Variants in ROBO2 observed in about 807,000 individuals in gnomAD.
ROBO2 encodes the protein roundabout homolog 2.
A neutral mutation model predicts 160.8 loss-of-function variants in ROBO2; 53 were observed. That is an observed-to-expected ratio of 0.33 (90% CI 0.26 to 0.41). The LOEUF (loss-of-function observed/expected upper bound fraction) is 0.41, where lower values mean the gene tolerates loss of function less well. Ranked by LOEUF, ROBO2 falls within the 10% of genes least tolerant of loss-of-function variation. The probability of loss-of-function intolerance (pLI) is 1.00; values close to 1 mark genes in which losing one functional copy is unlikely to be tolerated. For missense variants in ROBO2, 1,577 were observed against 1,722.4 expected (o/e 0.92, Z 1.49); for synonymous variants, 664 against 611.7 (o/e 1.09, Z -1.26).
chr3:76,584,939 T>C (rs1248606680), intron 2 of ROBO2, among the ~76,000 whole-genome samples: 1 of 152,218 alleles, frequency 6.6e-6, no homozygotes, highest in South Asian at 2.1e-4. Flanking sequence ...CATTGAATCA[T>C]ATGAATAAAA....
intron 2 of ROBO2, among the ~76,000 whole-genome samples, chr3:76,489,909 C>A (rs1054946286): frequency 6.6e-6 from 1 of 151,932 alleles, no homozygotes; most frequent in African/African-American, 2.4e-5. Flanking sequence ...ACATTTTTTT[C>A]TTTAAGGTTT....
chr3:77,113,847 T>C lies in ROBO2; in HGVS notation c.388+15507T>C, dbSNP rs150630035. ...ATGAATATAGGATTAAATCAGAAAA[T>C]AATAAGGCAACCTTTAGATGAATCA... On this transcript the variant is annotated intron_variant, in intron 2 of 25. Transcript: ENST00000461745. Among the ~76,000 whole-genome samples, 596 of 152,248 alleles carry C rather than the reference T, an allele frequency of 3.9e-3. 7 individuals are homozygous for C. The highest frequency in any genetic ancestry group is 0.014 in the Middle Eastern group (4 of 294).
intron 2 of ROBO2, among the ~76,000 whole-genome samples, chr3:76,274,675 A>G (rs929543386): frequency 1.3e-5 from 2 of 151,898 alleles, no homozygotes; most frequent in Admixed American, 6.6e-5. Flanking sequence ...CGTCTCTACT[A>G]AAAATACAAA....
intron 2 of ROBO2, among the ~76,000 whole-genome samples, chr3:76,454,201 A>G (rs2077627296): frequency 6.6e-6 from 1 of 152,184 alleles, no homozygotes; most frequent in African/African-American, 2.4e-5. Context: ...TACTGCTATC[A>G]AAAGCACACA....
chr3:77,582,719 C>G (rs993691653), intron 16 of ROBO2, among the ~76,000 whole-genome samples: 3 of 151,994 alleles, frequency 2.0e-5, no homozygotes, highest in African/African-American at 7.2e-5. Flanking sequence ...CCTTTTACTT[C>G]TATGTAATAA....
intron 2 of ROBO2, among the ~76,000 whole-genome samples, chr3:77,246,808 C>A (rs1367159862): frequency 6.6e-6 from 1 of 152,070 alleles, no homozygotes; most frequent in Non-Finnish European, 1.5e-5. Flanking sequence ...TTCTTGGAGA[C>A]AATTTACCTC....
chr3:76,539,704 C>A (rs897946673), intron 2 of ROBO2, among the ~76,000 whole-genome samples: 2 of 152,114 alleles, frequency 1.3e-5, no homozygotes, highest in Non-Finnish European at 2.9e-5. Context: ...TTTGCCTATT[C>A]CCATTCTTCT....
intron 18 of ROBO2, among the ~76,000 whole-genome samples, chr3:77,596,254 A>C (rs1203060242): frequency 2.0e-5 from 3 of 152,174 alleles, no homozygotes; most frequent in African/African-American, 7.2e-5. Context: ...TGAGGAAGGA[A>C]TAGCCCAAAG....
At chr3:76,337,315 G>C (rs944044625) in intron 2 of ROBO2, among the ~76,000 whole-genome samples, 1 of 152,122 alleles carries the variant, frequency 6.6e-6, no homozygotes, top group Non-Finnish European at 1.5e-5. Flanking sequence ...CTCCCCTGCT[G>C]TAATAATACG....
At chr3:77,632,291 G>A (rs532434315) in intron 23 of ROBO2, 7 of 503,402 alleles carry the variant, frequency 1.4e-5, no homozygotes, top group African/African-American at 1.1e-4. Flanking sequence ...GGTTTCAAAT[G>A]AGCTTCATTC....
chr3:76,003,463 T>A (rs540047295), intron 2 of ROBO2, among the ~76,000 whole-genome samples: 102 of 152,348 alleles, frequency 6.7e-4, no homozygotes, highest in Non-Finnish European at 1.2e-3. Flanking sequence ...CTATGTTCTT[T>A]TTTTGAGAAT....
At chr3:76,854,058 C>G (rs868267445) in intron 2 of ROBO2, among the ~76,000 whole-genome samples, 8 of 85,532 alleles carry the variant, frequency 9.4e-5, no homozygotes, top group South Asian at 4.1e-4. Context: ...CTCTCTCTCT[C>G]TCTCTCTCTT....
rs572610589 is a variant in ROBO2 at position 76,431,061 on chromosome 3, C to T, written c.109+493459C>T. 2.6e-5 allele frequency among the ~76,000 whole-genome samples: 4 copies of T among 152,078 alleles called. No individual in the cohort carries two copies. In the East Asian group the frequency reaches 7.7e-4, roughly 29 times the overall value. On this transcript the variant is annotated intron_variant, in intron 2 of 26. Coordinates refer to the ROBO2 transcript ENST00000487694. ...TAAGGGGGTTTTGTTCATTAAATAA[C>T]TCAGCAGTAGAAGAAACAGTTTACT...
At chr3:76,642,341 C>CTTTTTTTTTT (rs71104611) in intron 2 of ROBO2, among the ~76,000 whole-genome samples, 20 of 62,218 alleles carry the variant, frequency 3.2e-4, no homozygotes, top group African/African-American at 9.3e-4. Context: ...TTTACACTTG[C>CTTTTTTTTTT]TTTTTTTTTT....
At chr3:76,432,013 C>A (rs745493835) in intron 2 of ROBO2, among the ~76,000 whole-genome samples, 9 of 152,112 alleles carry the variant, frequency 5.9e-5, no homozygotes, top group Non-Finnish European at 1.3e-4. Context: ...TAGAATCCCA[C>A]CTGTAGGAAA....
At chr3:77,304,464 C>T (rs576227918) in intron 2 of ROBO2, among the ~76,000 whole-genome samples, 18 of 152,234 alleles carry the variant, frequency 1.2e-4, no homozygotes, top group South Asian at 6.2e-4. Context: ...AGCCGTTAGA[C>T]GCAGCAATGA....
chr3:77,294,972 A>G (rs1324847201), intron 2 of ROBO2, among the ~76,000 whole-genome samples: 3 of 151,758 alleles, frequency 2.0e-5, no homozygotes, highest in East Asian at 3.9e-4. Context: ...CTAGATCACC[A>G]AAGACATAAA....
intron 2 of ROBO2, among the ~76,000 whole-genome samples, chr3:77,110,610 A>G (rs1014619546): frequency 6.7e-6 from 1 of 150,326 alleles, no homozygotes; most frequent in Non-Finnish European, 1.5e-5. Context: ...GAAATGGATC[A>G]TACAGTTAAA....
intron 2 of ROBO2, among the ~76,000 whole-genome samples, chr3:77,356,102 G>A (rs1581293771): frequency 6.6e-6 from 1 of 152,070 alleles, no homozygotes; most frequent in East Asian, 1.9e-4. Context: ...CATCAATAGG[G>A]AAATAAATAT....
Sources: gnomAD v4.1 joint callset for allele counts (sites outside exome capture counted in the v4.1 genomes callset) on GRCh38, gnomAD v4.1.1 for gene constraint, MANE v1.5 for transcripts, NCBI Gene and HGNC (gene_info 2026-07-23, HGNC 2026-07-21) for gene names.